Variants in CNTN5 observed in about 807,000 individuals in gnomAD.
The protein encoded by CNTN5 is contactin-5.
Under a neutral mutation model 129.1 loss-of-function variants are expected in CNTN5, and 77 were observed. The ratio of observed to expected loss-of-function variants is 0.60; its 90% CI spans 0.50 to 0.72. The LOEUF (loss-of-function observed/expected upper bound fraction) is 0.72, where lower values mean the gene tolerates loss of function less well. Ranked by LOEUF, CNTN5 falls within the 30% of genes least tolerant of loss-of-function variation. The pLI is 0.00. For missense variants in CNTN5, 1,478 were observed against 1,328.8 expected (o/e 1.11, Z -1.75); for synonymous variants, 509 against 465.6 (o/e 1.09, Z -1.20).
At chr11:99,706,085 A>G (rs1343758016) in intron 3 of CNTN5, among the ~76,000 whole-genome samples, 1 of 151,524 alleles carries the variant, frequency 6.6e-6, no homozygotes, top group African/African-American at 2.4e-5. Context: ...ATTAACATAA[A>G]GAGTAATGAT....
At chr11:99,568,727 G>A (rs1440928480) in intron 3 of CNTN5, among the ~76,000 whole-genome samples, 8 of 152,194 alleles carry the variant, frequency 5.3e-5, no homozygotes, top group Middle Eastern at 3.4e-3. Flanking sequence ...TATGTAAAAC[G>A]AACCATGTAT....
chr11:100,232,395 G>A (rs1384426068), intron 16 of CNTN5, among the ~76,000 whole-genome samples: 15 of 152,118 alleles, frequency 9.9e-5, no homozygotes, highest in Admixed American at 9.2e-4. Context: ...AGTGAAATAC[G>A]AACCAATTCA....
At chr11:99,670,944 C>T (rs989552759) in intron 3 of CNTN5, among the ~76,000 whole-genome samples, 1 of 152,250 alleles carries the variant, frequency 6.6e-6, no homozygotes, top group South Asian at 2.1e-4. Flanking sequence ...ATGTAATTAT[C>T]GATACTGTTG....
At chr11:99,850,643 T>C (rs1947844506) in intron 6 of CNTN5, among the ~76,000 whole-genome samples, 1 of 152,080 alleles carries the variant, frequency 6.6e-6, no homozygotes, top group African/African-American at 2.4e-5. Flanking sequence ...GTGTAAGATA[T>C]ATGCTCAAGA....
chr11:99,841,943 G>A (rs1431395778), intron 4 of CNTN5, among the ~76,000 whole-genome samples: 3 of 151,116 alleles, frequency 2.0e-5, no homozygotes, highest in African/African-American at 7.3e-5. Context: ...CAGGAGTGCA[G>A]TGGAGCGATC....
At chr11:99,564,957 C>T (rs574817167) in intron 3 of CNTN5, among the ~76,000 whole-genome samples, 3 of 152,098 alleles carry the variant, frequency 2.0e-5, no homozygotes, top group African/African-American at 7.2e-5. Context: ...GTTTTTTTAA[C>T]TATCATATTC....
chr11:99,178,979 T>C (rs1256753015), intron 1 of CNTN5, among the ~76,000 whole-genome samples: 14 of 152,018 alleles, frequency 9.2e-5, no homozygotes, highest in Non-Finnish European at 1.0e-4. Flanking sequence ...TAAACATAAA[T>C]ACACACAGAG....
At chr11:100,003,130 G>T (rs937589385) in intron 9 of CNTN5, among the ~76,000 whole-genome samples, 3 of 152,056 alleles carry the variant, frequency 2.0e-5, no homozygotes, top group Non-Finnish European at 4.4e-5. Flanking sequence ...TTAATATCAA[G>T]AATGATTAAA....
chr11:99,653,014 T>G (rs1952217401), intron 3 of CNTN5, among the ~76,000 whole-genome samples: 1 of 151,942 alleles, frequency 6.6e-6, no homozygotes, highest in Non-Finnish European at 1.5e-5. Context: ...TAAATGACCT[T>G]CAAAAGGATA....
At chr11:99,229,531 A>AG (rs1860874592) in intron 1 of CNTN5, among the ~76,000 whole-genome samples, 1 of 132,344 alleles carries the variant, frequency 7.6e-6, no homozygotes, top group Admixed American at 8.5e-5. Flanking sequence ...TTTTAGACAA[A>AG]AAAAAAAAAA....
intron 1 of CNTN5, among the ~76,000 whole-genome samples, chr11:99,313,927 A>G (rs1865224964): frequency 6.6e-6 from 1 of 152,010 alleles, no homozygotes; most frequent in African/African-American, 2.4e-5. Context: ...ACATTCTAGG[A>G]CAAGCATATC....
At chr11:99,876,287 G>T (rs1263228819) in intron 6 of CNTN5, among the ~76,000 whole-genome samples, 1 of 152,072 alleles carries the variant, frequency 6.6e-6, no homozygotes, top group Non-Finnish European at 1.5e-5. Context: ...ATCTGTTACT[G>T]CTAACCTCTG....
At chr11:100,265,463 A>G (rs191788377) in intron 17 of CNTN5, among the ~76,000 whole-genome samples, 110 of 152,234 alleles carry the variant, frequency 7.2e-4, no homozygotes, top group African/African-American at 1.9e-3. Flanking sequence ...CAGCTCCACT[A>G]GGTCATGGGC....
chr11:99,170,758 A>G (rs12788944), intron 1 of CNTN5, among the ~76,000 whole-genome samples: 102,208 of 152,062 alleles, frequency 0.67, 34,757 homozygotes, highest in East Asian at 0.94. Flanking sequence ...TCCAAAGCAG[A>G]CTGCAGGCTC....
chr11:99,454,631 T>C (rs775484639), intron 2 of CNTN5, among the ~76,000 whole-genome samples: 1 of 152,180 alleles, frequency 6.6e-6, no homozygotes, highest in Non-Finnish European at 1.5e-5. Flanking sequence ...TCCCCAGCCA[T>C]GCTGAACTGT....
intron 6 of CNTN5, among the ~76,000 whole-genome samples, chr11:99,866,744 G>A (rs536375366): frequency 6.6e-6 from 1 of 152,290 alleles, no homozygotes; most frequent in South Asian, 2.1e-4. Flanking sequence ...GTGTTGCAGG[G>A]TGCTGGCACC....
intron 2 of CNTN5, among the ~76,000 whole-genome samples, chr11:99,449,512 A>G (rs977920786): frequency 2.0e-5 from 3 of 152,336 alleles, no homozygotes; most frequent in East Asian, 1.9e-4. Flanking sequence ...TTTGTGTGCC[A>G]TTACTCATTT....
chr11:99,322,662 A>G (rs1046663175), intron 1 of CNTN5, among the ~76,000 whole-genome samples: 60 of 152,276 alleles, frequency 3.9e-4, no homozygotes, highest in African/African-American at 1.3e-3. Flanking sequence ...TTACAGGCAG[A>G]GTCTATTCAA....
chr11:99,416,888 T>G (rs1942681267), intron 2 of CNTN5, among the ~76,000 whole-genome samples: 1 of 152,296 alleles, frequency 6.6e-6, no homozygotes, highest in Admixed American at 6.5e-5. Context: ...ACTTGGGAGC[T>G]CTTCCTTGTT....
Sources: gnomAD v4.1 joint callset for allele counts (sites outside exome capture counted in the v4.1 genomes callset) on GRCh38, gnomAD v4.1.1 for gene constraint, MANE v1.5 for transcripts, NCBI Gene and HGNC (gene_info 2026-07-23, HGNC 2026-07-21) for gene names.